The following FBXL18 variants were observed in gnomAD, a reference collection of about 807,000 sequenced individuals.
FBXL18 encodes the protein F-box/LRR-repeat protein 18.
In FBXL18, 36 loss-of-function variants were observed where a neutral mutation model predicts 46.0. The ratio of observed to expected loss-of-function variants is 0.78; its 90% CI spans 0.60 to 1.03. The LOEUF (loss-of-function observed/expected upper bound fraction) is 1.03. Ranked by LOEUF, FBXL18 falls within the 50% of genes least tolerant of loss-of-function variation. The pLI is 0.00. For missense variants in FBXL18, 977 were observed against 1,004.1 expected (o/e 0.97, Z 0.36); for synonymous variants, 557 against 465.3 (o/e 1.20, Z -2.54).
downstream of FBXL18, among the ~76,000 whole-genome samples, chr7:5,474,686 T>TTTTTTTTATTTA (rs1554317766): frequency 3.6e-3 from 142 of 39,454 alleles, 2 homozygotes; most frequent in Admixed American, 4.3e-3. Context: ...GCACTTTATT[T>TTTTTTTTATTTA]TTTATTTATT....
chr7:5,485,991 G>A (rs1319849136), intron 4 of FBXL18, among the ~76,000 whole-genome samples: 2 of 151,854 alleles, frequency 1.3e-5, no homozygotes, highest in African/African-American at 2.4e-5. Flanking sequence ...CCCAGGAAGC[G>A]GAGGTTGCAG....
chr7:5,492,661 G>A (rs1224031956), intron 3 of FBXL18, among the ~76,000 whole-genome samples: 1 of 152,056 alleles, frequency 6.6e-6, no homozygotes, highest in Non-Finnish European at 1.5e-5. Context: ...CTGCATGATG[G>A]GGACTCTAAA....
In FBXL18 at chr7:5,468,929, T is replaced by G. The variant is rs113463108; in HGVS notation, c.2001-21086A>C. Reference sequence around the variant, plus strand: ...AGTTCACCTCTAATCAAACTGGCTGTGTTCACTACTAGGTGTATAAAATTA... The same window carrying G: ...AGTTCACCTCTAATCAAACTGGCTGGGTTCACTACTAGGTGTATAAAATTA... On this transcript the variant is annotated intron_variant and NMD_transcript_variant, in intron 4 of 6. Transcript: ENST00000415009. Among the ~76,000 whole-genome samples the G allele has an allele frequency of 2.3e-4, 35 of 152,238 alleles. 1 individual carries two copies. The highest frequency in any genetic ancestry group is 7.7e-4 in the African/African-American group (32 of 41,556).
intron 1 of FBXL18, among the ~76,000 whole-genome samples, chr7:5,511,434 AT>A (rs1300550599): frequency 3.3e-5 from 5 of 151,328 alleles, no homozygotes; most frequent in South Asian, 2.1e-4. Context: ...CAAAAAAAAA[AT>A]GTATTTTTTT....
intron 4 of FBXL18, among the ~76,000 whole-genome samples, chr7:5,463,922 G>GT (rs1201130222): frequency 4.0e-5 from 6 of 150,442 alleles, no homozygotes; most frequent in African/African-American, 1.5e-4. Context: ...CATATTTTTA[G>GT]TAGAGACGGG....
intron 3 of FBXL18, among the ~76,000 whole-genome samples, chr7:5,493,926 G>A (rs1268215480): frequency 6.6e-6 from 1 of 151,990 alleles, no homozygotes; most frequent in African/African-American, 2.4e-5. Context: ...CTGAGGTCAG[G>A]AGTTCGACAC....
chr7:5,493,673 G>C (rs867159338), intron 3 of FBXL18, among the ~76,000 whole-genome samples: 1 of 134,180 alleles, frequency 7.5e-6, no homozygotes, highest in Non-Finnish European at 1.7e-5. Context: ...GTGTGCGTGC[G>C]TGCGTGCGTG....
chr7:5,501,205 T>G lies in FBXL18; in HGVS notation c.1064A>C (p.His355Pro), dbSNP rs1419839444. Residue 355 changes from histidine to proline, a missense_variant, in exon 3 of 5, where the codon CAC becomes CCC. By Grantham distance (77) the His-to-Pro change is moderately conservative. Coordinates refer to ENST00000382368, the MANE Select transcript of FBXL18 (RefSeq NM_024963.6). ...LASLNLSGCV[H>P]CLSPDSLLRK... ...GAGCAGCGAGTCTGGGGACAGGCAG[T>G]GGACGCAGCCGCTGAGGTTCAAGCT... is the stretch of plus-strand genomic sequence containing the variant. The G allele has an allele frequency of 6.2e-6, 10 of 1,613,124 alleles. No homozygotes were observed. Among genetic ancestry groups the G allele is most frequent in the Non-Finnish European group, 8.5e-6 (10 of 1,179,702 alleles).
intron 3 of FBXL18, among the ~76,000 whole-genome samples, chr7:5,497,236 C>T (rs1784105882): frequency 6.6e-6 from 1 of 151,944 alleles, no homozygotes; most frequent in African/African-American, 2.4e-5. Context: ...ATTTTACATG[C>T]ATTTTGCGTC....
chr7:5,491,295 A>C lies in FBXL18; in HGVS notation c.1936T>G (p.Cys646Gly). The C allele has an allele frequency of 6.2e-7, 1 of 1,613,028 alleles. No homozygotes were observed. The highest frequency in any genetic ancestry group is 1.3e-5 in the African/African-American group (1 of 75,056). ...AGGGACTCCCCGGTGAACAGGTGGC[A>C]CATGACAACCTGCAGGCAGCGAGCC... ...FMARCLQVVM[C>G]HLFTGESLAT... The change falls in exon 4 of 5, where the codon TGC becomes GGC. Residue 646 changes from cysteine to glycine, a missense_variant. By Grantham distance (159) the Cys-to-Gly change is radical. Transcript: ENST00000382368.
downstream of FBXL18, chr7:5,475,730 C>T (rs1562678619): frequency 2.0e-5 from 3 of 152,252 alleles, no homozygotes; most frequent in Non-Finnish European, 4.4e-5. The surrounding 1 kb of genome is among the most constrained non-coding windows in gnomAD (Gnocchi z 4.2). Flanking sequence ...CTACCAGCCT[C>T]GGACCCAAGG....
downstream of FBXL18, among the ~76,000 whole-genome samples, chr7:5,471,671 A>G (rs1306161993): frequency 6.6e-6 from 1 of 152,046 alleles, no homozygotes; most frequent in African/African-American, 2.4e-5. Flanking sequence ...CGGCCTCCCA[A>G]AGTGCTTTTC....
intron 4 of FBXL18, among the ~76,000 whole-genome samples, chr7:5,487,133 A>C (rs1269104710): frequency 6.6e-6 from 1 of 152,154 alleles, no homozygotes; most frequent in Non-Finnish European, 1.5e-5. Flanking sequence ...CTAGGCCCAC[A>C]CAGGTGCCCT....
chr7:5,464,216 T>C (rs986230250), intron 4 of FBXL18, among the ~76,000 whole-genome samples: 3 of 151,762 alleles, frequency 2.0e-5, no homozygotes, highest in Admixed American at 6.6e-5. Flanking sequence ...TGGTGGCTCA[T>C]GCCTGTAATC....
intron 1 of FBXL18, 116 bp downstream of exon 1, chr7:5,513,541 G>T: frequency 8.4e-7 from 1 of 1,187,126 alleles, no homozygotes; most frequent in Non-Finnish European, 1.2e-6. Context: ...GGAAGGACGG[G>T]GCGGGGTAGG....
rs561829530 is a variant in FBXL18, at chr7:5,489,495, G to A, written c.2000+1736C>T. The A allele has an allele frequency of 3.1e-5, 11 of 353,966 alleles. No individual in the cohort carries two copies. In the East Asian group the frequency reaches 8.4e-4, roughly 27 times the overall value. 21.9% of individuals were successfully genotyped at this position (353,966 alleles called of 1,614,324 possible). On this transcript the variant is annotated intron_variant, in intron 4 of 4. Transcript: ENST00000382368. The stretch of plus-strand genomic sequence containing the variant: ...ACTAAAAATACAAAAATTAGGCCGG[G>A]CGCGGTGGCTCACGCCTGTAATCCC...
intron 4 of FBXL18, among the ~76,000 whole-genome samples, chr7:5,484,050 T>C (rs757288521): frequency 3.3e-5 from 5 of 152,136 alleles, no homozygotes; most frequent in Non-Finnish European, 5.9e-5. Flanking sequence ...TGGGCAGCAA[T>C]GTCCATGACC....
chr7:5,470,815 C>G (rs537265613), downstream of FBXL18, among the ~76,000 whole-genome samples: 3 of 152,172 alleles, frequency 2.0e-5, no homozygotes, highest in Non-Finnish European at 4.4e-5. Flanking sequence ...GCTCTCCCAG[C>G]GCGGCCGGCT....
chr7:5,508,443 A>T, intron 1 of FBXL18, among the ~76,000 whole-genome samples: 1 of 149,094 alleles, frequency 6.7e-6, no homozygotes, highest in South Asian at 2.1e-4. Context: ...CTTTGTCTAA[A>T]AAAAAAAAAA....
Sources: allele counts gnomAD v4.1 joint callset (sites outside exome capture counted in the v4.1 genomes callset), GRCh38; gene constraint gnomAD v4.1.1; non-coding constraint Gnocchi (gnomAD v3.1); transcripts MANE v1.5; gene names NCBI Gene and HGNC (gene_info 2026-07-23, HGNC 2026-07-21).